THSD7B: variants seen among roughly 807,000 people sequenced by gnomAD.
THSD7B encodes the protein thrombospondin type-1 domain-containing protein 7B.
In THSD7B, 138 loss-of-function variants were observed where a neutral mutation model predicts 213.6. The ratio of observed to expected loss-of-function variants is 0.65; its 90% CI spans 0.56 to 0.74. THSD7B has a LOEUF of 0.74. THSD7B is among the 30% of genes least tolerant of loss of function. THSD7B has a pLI of 0.00. For synonymous variants in THSD7B, 742 were observed against 687.0 expected (o/e 1.08, Z -1.25); for missense variants, 1,931 against 1,991.5 (o/e 0.97, Z 0.58).
chr2:137,322,377 G>A (rs562360573), intron 12 of THSD7B, among the ~76,000 whole-genome samples: 11 of 152,284 alleles, frequency 7.2e-5, no homozygotes, highest in African/African-American at 2.2e-4. Context: ...AGGGCACATA[G>A]CATGGAGCCT....
intron 15 of THSD7B, among the ~76,000 whole-genome samples, chr2:137,510,864 T>C (rs1258767771): frequency 1.3e-5 from 2 of 152,310 alleles, no homozygotes; most frequent in African/African-American, 4.8e-5. Flanking sequence ...GTTTATACTA[T>C]TCGGGGTTTG....
At chr2:137,456,954 C>G (rs1196585103) in intron 15 of THSD7B, among the ~76,000 whole-genome samples, 2 of 152,148 alleles carry the variant, frequency 1.3e-5, no homozygotes, top group African/African-American at 4.8e-5. Context: ...TGCCGGTCAG[C>G]TAGCCCCGAC....
intron 5 of THSD7B, among the ~76,000 whole-genome samples, chr2:137,147,430 AC>A (rs1679724555): frequency 6.6e-6 from 1 of 152,012 alleles, no homozygotes; most frequent in Non-Finnish European, 1.5e-5. Context: ...GCTAACAAGG[AC>A]GTCAGTTACA....
chr2:137,578,490 T>G (rs1394410935), intron 17 of THSD7B, among the ~76,000 whole-genome samples: 2 of 152,234 alleles, frequency 1.3e-5, no homozygotes, highest in Non-Finnish European at 2.9e-5. Context: ...CATTTGTTAA[T>G]GACCTAACAA....
At chr2:136,946,459 G>T (rs561676359) in intron 2 of THSD7B, among the ~76,000 whole-genome samples, 1 of 152,086 alleles carries the variant, frequency 6.6e-6, no homozygotes, top group African/African-American at 2.4e-5. Context: ...TTGAGGAGGC[G>T]GTCTCTCCAT....
chr2:137,091,387 T>C (rs1396195555), intron 3 of THSD7B, among the ~76,000 whole-genome samples: 2 of 152,254 alleles, frequency 1.3e-5, no homozygotes, highest in African/African-American at 4.8e-5. Context: ...TTGAAACTCA[T>C]TTTCTAAAAA....
chr2:137,407,732 G>A (rs1283793241), intron 13 of THSD7B, among the ~76,000 whole-genome samples: 1 of 151,988 alleles, frequency 6.6e-6, no homozygotes, highest in Non-Finnish European at 1.5e-5. Context: ...CATTGAATAT[G>A]GGGCCATACA....
intron 1 of THSD7B, among the ~76,000 whole-genome samples, chr2:136,834,554 A>G (rs1315297679): frequency 1.3e-5 from 2 of 151,862 alleles, no homozygotes. Flanking sequence ...ATATTTGTGG[A>G]GTTCTCAGCA....
At chr2:137,207,896 G>A (rs143570277) in intron 7 of THSD7B, among the ~76,000 whole-genome samples, 34 of 152,188 alleles carry the variant, frequency 2.2e-4, no homozygotes, top group African/African-American at 2.2e-4. Context: ...CCGCTGCACA[G>A]ACAAAACCAA....
rs1387074145 is a variant in THSD7B at position 137,581,738 on chromosome 2, C to T, written c.3423+9182C>T. On this transcript the variant is annotated intron_variant, in intron 17 of 27. Coordinates refer to ENST00000409968, the MANE Select transcript of THSD7B (RefSeq NM_001316349.2). ...TCCCGCCACTGCACTCCAGCCTGGG[C>T]GACAGAGCGAGACTCCGTCTCAAAA... Among the ~76,000 whole-genome samples the T allele has an allele frequency of 2.8e-3, 397 of 141,168 alleles. 3 individuals carry two copies. The highest frequency in any genetic ancestry group is 9.7e-3 in the African/African-American group (370 of 37,994). 92.6% of individuals were successfully genotyped at this position (141,168 alleles called of 152,430 possible). A position where few individuals can be genotyped will look rare whatever the true frequency, so the allele number is the denominator to read the frequency against.
chr2:136,927,717 A>G (rs1344714), intron 2 of THSD7B, among the ~76,000 whole-genome samples: 30,927 of 152,146 alleles, frequency 0.2, 3,460 homozygotes, highest in African/African-American at 0.3. Flanking sequence ...TAGACTGTAG[A>G]TAGTGAGGAC....
At chr2:136,868,184 C>T (rs141865917) in intron 1 of THSD7B, among the ~76,000 whole-genome samples, 12 of 152,138 alleles carry the variant, frequency 7.9e-5, no homozygotes, top group Admixed American at 2.6e-4. Flanking sequence ...TTGTTTTCCA[C>T]TGGTCAAACA....
chr2:137,062,040 C>T (rs12990271), intron 3 of THSD7B, among the ~76,000 whole-genome samples: 12,345 of 151,662 alleles, frequency 0.081, 710 homozygotes, highest in African/African-American at 0.16. Context: ...TAGGACTATT[C>T]GTATCATCGA....
intron 10 of THSD7B, among the ~76,000 whole-genome samples, chr2:137,270,698 G>A (rs1406475223): frequency 6.6e-6 from 1 of 152,152 alleles, no homozygotes; most frequent in East Asian, 1.9e-4. Context: ...GCTCCACAGA[G>A]CCTTGGTGAC....
chr2:137,118,583 A>G (rs1292213960), intron 5 of THSD7B, among the ~76,000 whole-genome samples: 1 of 152,124 alleles, frequency 6.6e-6, no homozygotes, highest in East Asian at 1.9e-4. Context: ...TATATTTCAG[A>G]TTTTCTACTG....
intron 1 of THSD7B, among the ~76,000 whole-genome samples, chr2:136,863,888 C>T (rs988974608): frequency 5.9e-5 from 9 of 152,098 alleles, no homozygotes; most frequent in Admixed American, 1.3e-4. Context: ...TATCCAGCAA[C>T]GAGCCTTGGT....
At chr2:136,835,597 G>T (rs1322618438) in intron 1 of THSD7B, among the ~76,000 whole-genome samples, 1 of 152,162 alleles carries the variant, frequency 6.6e-6, no homozygotes, top group East Asian at 1.9e-4. Flanking sequence ...TCTACACTCT[G>T]TGGGAAACCT....
intron 12 of THSD7B, among the ~76,000 whole-genome samples, chr2:137,297,234 T>C (rs949987289): frequency 3.3e-5 from 5 of 149,472 alleles, no homozygotes; most frequent in African/African-American, 1.2e-4. Context: ...CACTGAGATA[T>C]GATCGCACCA....
chr2:137,476,900 T>A (rs1035749464), intron 15 of THSD7B, among the ~76,000 whole-genome samples: 9 of 152,218 alleles, frequency 5.9e-5, no homozygotes, highest in African/African-American at 2.2e-4. Context: ...CTTGATTTTT[T>A]AAAAATTTGT....
Sources: gnomAD v4.1 joint callset for allele counts (sites outside exome capture counted in the v4.1 genomes callset) on GRCh38, gnomAD v4.1.1 for gene constraint, MANE v1.5 for transcripts, NCBI Gene and HGNC (gene_info 2026-07-23, HGNC 2026-07-21) for gene names.